IGF1R: variants seen among roughly 807,000 people sequenced by gnomAD.
The protein encoded by IGF1R is insulin-like growth factor 1 receptor.
In IGF1R, 44 loss-of-function variants were observed where a neutral mutation model predicts 144.6. That is an observed-to-expected ratio of 0.30 (90% CI 0.24 to 0.39). IGF1R has a LOEUF of 0.39. Among genes scored for constraint, IGF1R ranks in the 10% least tolerant of loss-of-function variants. The probability of loss-of-function intolerance (pLI) is 1.00; values close to 1 mark genes in which losing one functional copy is unlikely to be tolerated. For synonymous variants in IGF1R, 795 were observed against 722.8 expected, an observed-to-expected ratio of 1.10 and a Z score of -1.60; for missense variants, 1,355 against 1,833.7, an observed-to-expected ratio of 0.74 and a Z score of 4.77.
chr15:98,771,704 A>G (rs1057175641), intron 2 of IGF1R, among the ~76,000 whole-genome samples: 2 of 150,678 alleles, frequency 1.3e-5, no homozygotes, highest in Non-Finnish European at 3.0e-5. Context: ...TATGCAAGAG[A>G]TTTGAACATT....
intron 4 of IGF1R, chr15:98,897,352 T>G (rs2014250888): frequency 5.3e-6 from 1 of 187,992 alleles, no homozygotes; most frequent in African/African-American, 2.4e-5. Flanking sequence ...GTTAAAATTT[T>G]ATGAAGTCCA....
intron 1 of IGF1R, among the ~76,000 whole-genome samples, chr15:98,706,082 G>C (rs1441316482): frequency 6.6e-6 from 1 of 152,230 alleles, no homozygotes; most frequent in African/African-American, 2.4e-5. Context: ...CCTCTTGTCT[G>C]TCCTGCTTAA....
At chr15:98,832,111 C>T (rs1452174487) in intron 2 of IGF1R, among the ~76,000 whole-genome samples, 1 of 152,102 alleles carries the variant, frequency 6.6e-6, no homozygotes, top group East Asian at 1.9e-4. Flanking sequence ...TCTTTAGACT[C>T]CAAGAAATTC....
At chr15:98,867,154 GGA>G (rs60863950) in intron 2 of IGF1R, among the ~76,000 whole-genome samples, 1,763 of 146,052 alleles carry the variant, frequency 0.012, 39 homozygotes, top group African/African-American at 0.035. Flanking sequence ...AGAGAAAGGG[GGA>G]GAGAGAGAGA....
intron 2 of IGF1R, among the ~76,000 whole-genome samples, chr15:98,746,326 A>C (rs977904174): frequency 6.6e-6 from 1 of 152,192 alleles, no homozygotes; most frequent in African/African-American, 2.4e-5. Flanking sequence ...TGCTTGCATT[A>C]TGTATCAAAA....
intron 2 of IGF1R, among the ~76,000 whole-genome samples, chr15:98,775,048 G>T (rs954885549): frequency 3.9e-5 from 6 of 152,120 alleles, no homozygotes; most frequent in Non-Finnish European, 5.9e-5. Context: ...TGACTTGGAG[G>T]TTAATAATAA....
At chr15:98,873,990 T>C (rs2012921917) in intron 2 of IGF1R, 1 of 152,158 alleles carries the variant, frequency 6.6e-6, no homozygotes, top group Admixed American at 6.5e-5. Flanking sequence ...GAAACAGATA[T>C]TTCGAGCATG....
At chr15:98,682,881 T>G (rs1222545779) in intron 1 of IGF1R, among the ~76,000 whole-genome samples, 2 of 152,042 alleles carry the variant, frequency 1.3e-5, no homozygotes, top group Non-Finnish European at 2.9e-5. Flanking sequence ...ACTGTCTTAT[T>G]TGGGTCTCAA....
At chr15:98,817,996 C>G (rs1035940454) in intron 2 of IGF1R, among the ~76,000 whole-genome samples, 2 of 152,186 alleles carry the variant, frequency 1.3e-5, no homozygotes, top group African/African-American at 4.8e-5. Context: ...GGGCTCTCTT[C>G]CTGGTTTGCA....
At chr15:98,815,574 G>C (rs543343211) in intron 2 of IGF1R, among the ~76,000 whole-genome samples, 3 of 152,342 alleles carry the variant, frequency 2.0e-5, no homozygotes, top group Admixed American at 2.0e-4. Flanking sequence ...TTTTGGAAGA[G>C]GTTAGGTGTG....
chr15:98,666,709 A>G (rs1233544716), intron 1 of IGF1R, among the ~76,000 whole-genome samples: 1 of 152,182 alleles, frequency 6.6e-6, no homozygotes, highest in Non-Finnish European at 1.5e-5. Context: ...GACGGAAAGT[A>G]GAATGGTGAG....
In IGF1R at chr15:98,924,557, C is replaced by T; in HGVS notation, c.2655C>T (p.Tyr885=). 4 of 1,614,094 alleles carry T rather than the reference C, an allele frequency of 2.5e-6. No homozygotes were observed. The highest frequency in any genetic ancestry group is 3.4e-6 in the Non-Finnish European group (4 of 1,179,956). ...DQRECVSRQE[Y]RKYGGAKLNR... ...GAGAATGTGTGTCCAGACAGGAATA[C>T]AGGAAGTATGGAGGGGCCAAGCTAA... Residue 885 remains tyrosine, a synonymous_variant, in exon 13 of 21, where the codon TAC becomes TAT. Coordinates refer to ENST00000650285, the MANE Select transcript of IGF1R (RefSeq NM_000875.5).
In IGF1R at chr15:98,915,916, T is replaced by C. The variant is rs749928510; in HGVS notation, c.1829-48T>C. 1.9e-6 allele frequency: 3 copies of C among 1,584,688 alleles called. No individual in the cohort carries two copies. The South Asian group carries it at 3.3e-5, about 18-fold the overall frequency. On this transcript the variant is annotated intron_variant, in intron 8 of 20. Coordinates refer to ENST00000650285, the MANE Select transcript of IGF1R (RefSeq NM_000875.5). Reference sequence around the variant, plus strand: ...TTGCCAGAGTATCTGATAGCCTGACTCTTAAGTTCATTTCATTTTCTAGAA... The same window carrying C: ...TTGCCAGAGTATCTGATAGCCTGACCCTTAAGTTCATTTCATTTTCTAGAA...
chr15:98,817,857 C>T (rs1247843242), intron 2 of IGF1R, among the ~76,000 whole-genome samples: 1 of 152,214 alleles, frequency 6.6e-6, no homozygotes. Flanking sequence ...CACCCCAGCC[C>T]TACTTTCCCA....
intron 2 of IGF1R, among the ~76,000 whole-genome samples, chr15:98,772,513 A>ATTGTTG (rs2055613226): frequency 1.4e-5 from 2 of 144,718 alleles, no homozygotes; most frequent in Non-Finnish European, 3.0e-5. Flanking sequence ...TATTATTATT[A>ATTGTTG]TTTTAAGAAT....
chr15:98,866,057 G>A (rs1463894120), intron 2 of IGF1R, among the ~76,000 whole-genome samples: 1 of 152,220 alleles, frequency 6.6e-6, no homozygotes, highest in Non-Finnish European at 1.5e-5. Flanking sequence ...AGTTTAAAAT[G>A]AAAGTAAAAG....
chr15:98,837,585 G>C (rs915677334), intron 2 of IGF1R, among the ~76,000 whole-genome samples: 1 of 151,864 alleles, frequency 6.6e-6, no homozygotes, highest in Non-Finnish European at 1.5e-5. Context: ...GTCTGGTCTC[G>C]AACTCCTGGC....
At chr15:98,800,697 G>C (rs1017869024) in intron 2 of IGF1R, among the ~76,000 whole-genome samples, 2 of 152,178 alleles carry the variant, frequency 1.3e-5, no homozygotes, top group Non-Finnish European at 2.9e-5. Context: ...GGCGAACTTG[G>C]TGTTGGTATC....
intron 2 of IGF1R, among the ~76,000 whole-genome samples, chr15:98,869,958 C>T (rs1206642191): frequency 6.6e-6 from 1 of 152,138 alleles, no homozygotes; most frequent in Non-Finnish European, 1.5e-5. Flanking sequence ...AAGGAGCTTA[C>T]AATGTGTGCA....
Sources: allele counts gnomAD v4.1 joint callset (sites outside exome capture counted in the v4.1 genomes callset), GRCh38; gene constraint gnomAD v4.1.1; transcripts MANE v1.5; gene names NCBI Gene and HGNC (gene_info 2026-07-23, HGNC 2026-07-21).